The following TSPAN33 variants were observed in gnomAD, a reference collection of about 807,000 sequenced individuals.
The protein encoded by TSPAN33 is tetraspanin-33.
TSPAN33 carries 27 observed loss-of-function variants against 34.8 expected under a neutral mutation model. The observed-to-expected ratio is 0.78, with a 90% CI of 0.57 to 1.07. The LOEUF is 1.07. TSPAN33 is among the 50% of genes least tolerant of loss of function. The pLI is 0.00. For missense variants in TSPAN33, 272 were observed against 324.9 expected (o/e 0.84, Z 1.25); for synonymous variants, 119 against 124.2 (o/e 0.96, Z 0.28).
At position 129,162,428 on chromosome 7, in the gene TSPAN33, C is replaced by T. The variant is rs367644000; in HGVS notation, c.195C>T (p.Ala65=). 2.2e-5 allele frequency: 36 copies of T among 1,613,800 alleles called. No individual in the cohort carries two copies. Among genetic ancestry groups the T allele is most frequent in the Non-Finnish European group, 3.0e-5 (35 of 1,180,048 alleles). ...AALACLAVDP[A]ILLIVVGVLM... ...TAGCCTGCCTGGCAGTGGACCCTGC[C>T]ATCCTGCTGATCGTGGTGGGTGTCC... Residue 65 remains alanine (A), a synonymous_variant, in exon 3 of 8, where the codon GCC becomes GCT. Coordinates refer to ENST00000486685, the MANE Select transcript of TSPAN33 (RefSeq NM_178562.5).
chr7:129,153,307 C>T (rs1272985943), intron 1 of TSPAN33, among the ~76,000 whole-genome samples: 1 of 152,082 alleles, frequency 6.6e-6, no homozygotes, highest in Non-Finnish European at 1.5e-5. Context: ...TAAAGCACTG[C>T]ACCCTGATGG....
rs747285710 is a variant in TSPAN33 at position 129,161,692 on chromosome 7, T to C, written c.116T>C (p.Val39Ala). 1 of 1,614,130 alleles carries C rather than the reference T, an allele frequency of 6.2e-7. No homozygotes were observed. Among genetic ancestry groups the C allele is most frequent in the Admixed American group, 1.7e-5 (1 of 60,012 alleles). ...FNMLFWVISM[V>A]MVAVGVYARL... ...CTGTCTCCACAGGTGATTTCCATGG[T>C]GATGGTGGCTGTGGGTGTCTACGCT... Residue 39 changes from valine to alanine, a missense_variant, in exon 2 of 8, where the codon GTG (valine) becomes GCG (alanine). Physicochemically the swap from Val to Ala is moderately conservative, Grantham distance 64. Transcript: ENST00000486685.
intron 4 of TSPAN33, 92 bp from the exon 5 acceptor site, chr7:129,164,379 TAAG>T: frequency 1.8e-6 from 2 of 1,131,868 alleles, no homozygotes. Context: ...CAGACTCAGT[TAAG>T]AAGGATGATC....
intron 1 of TSPAN33, among the ~76,000 whole-genome samples, chr7:129,156,879 A>G (rs1442116911): frequency 6.6e-6 from 1 of 152,158 alleles, no homozygotes; most frequent in Non-Finnish European, 1.5e-5. Flanking sequence ...CATAGGGATA[A>G]TGGTACTGGT....
At position 129,148,883 on chromosome 7, in the gene TSPAN33, C is replaced by T. The variant is rs1483621791; in HGVS notation, c.102+3801C>T. Among the ~76,000 whole-genome samples the T allele has an allele frequency of 6.6e-6, 1 of 152,174 alleles. No individual in the cohort carries two copies. Among genetic ancestry groups the T allele is most frequent in the Non-Finnish European group, 1.5e-5 (1 of 68,038 alleles). ...CCTTGGGCACTCAGAATCACCCAGG[C>T]CACTCTCAGCACCATTTCTTTTCGT... On this transcript the variant is annotated intron_variant, in intron 1 of 7. Transcript: ENST00000486685. The surrounding 1 kb of genome is among the most constrained non-coding windows in gnomAD (Gnocchi z 4.2).
chr7:129,163,028 G>C, intron 4 of TSPAN33, 121 bp downstream of exon 4: 1 of 932,728 alleles, frequency 1.1e-6, no homozygotes, highest in Non-Finnish European at 1.6e-6. Flanking sequence ...ATCAGTCGTT[G>C]AAAAGTTCAT....
rs1810548228 is a variant in TSPAN33, at chr7:129,148,346, T to G, written c.102+3264T>G. Among the ~76,000 whole-genome samples, 1 of 152,186 alleles carries G rather than the reference T, an allele frequency of 6.6e-6. No homozygotes were observed. Among genetic ancestry groups the G allele is most frequent in the South Asian group, 2.1e-4 (1 of 4,830 alleles). ...CTTCTATTGTCACATCCCTTACCTG[T>G]GCTGCAATTGTGTTTACTTCTCCGT... On this transcript the variant is annotated intron_variant, in intron 1 of 7. Coordinates refer to ENST00000486685, the MANE Select transcript of TSPAN33 (RefSeq NM_178562.5). The surrounding 1 kb of genome is among the most constrained non-coding windows in gnomAD (Gnocchi z 4.2).
At chr7:129,166,967 G>A in intron 6 of TSPAN33, 61 bp downstream of exon 6, 3 of 1,573,078 alleles carry the variant, frequency 1.9e-6, no homozygotes, top group Non-Finnish European at 2.6e-6. Flanking sequence ...TTCTGATGGG[G>A]GCAGCTGCTA....
rs936753620 is a variant in TSPAN33 at position 129,144,971 on chromosome 7, C to T, written c.-10C>T. 18 of 613,246 alleles carry T rather than the reference C, an allele frequency of 2.9e-5. No individual in the cohort carries two copies. In the Admixed American group the frequency reaches 4.0e-4, roughly 14 times the overall value. The allele number at this position is 613,246 out of a possible 1,614,324, so 38.0% of individuals were successfully genotyped here. On this transcript the variant is annotated 5_prime_UTR_variant, in exon 1 of 8. Transcript: ENST00000486685. ...AATAGGCCCCCGGGGGCGGTGGCGG[C>T]GGCGGGGCCATGGCGCGGAGACCCC... is the stretch of plus-strand genomic sequence containing the variant.
rs1810543922 is a variant in TSPAN33 at position 129,148,040 on chromosome 7, G to A, written c.102+2958G>A. 6.6e-6 allele frequency among the ~76,000 whole-genome samples: 1 copy of A among 152,290 alleles called. No individual in the cohort carries two copies. The highest frequency in any genetic ancestry group is 2.1e-4 in the South Asian group (1 of 4,830). Reference sequence around the variant, plus strand: ...GATCCTAGATGTTGCATTTAAATCAGTTAGGGTGGCTACAGAGCAGCTGCC... The same window carrying A: ...GATCCTAGATGTTGCATTTAAATCAATTAGGGTGGCTACAGAGCAGCTGCC... On this transcript the variant is annotated intron_variant, in intron 1 of 7. Coordinates refer to ENST00000486685, the MANE Select transcript of TSPAN33 (RefSeq NM_178562.5). This position sits in a 1 kb window ranked among gnomAD's most constrained non-coding sequence, Gnocchi z 4.2.
intron 5 of TSPAN33, 99 bp downstream of exon 5, chr7:129,164,668 C>G: frequency 6.3e-6 from 7 of 1,110,294 alleles, no homozygotes; most frequent in South Asian, 2.5e-5. Flanking sequence ...TCATTACCTG[C>G]CAGGTAATGG....
Position 129,167,738 on chromosome 7 carries a change from C to A in TSPAN33, c.751-35C>A. ...CCAGGGAAAACAAGGCCATCACTCACTGCTGAGTGCCCAATTCCTTCTTGC... is the reference window on the plus strand; with the variant it reads ...CCAGGGAAAACAAGGCCATCACTCAATGCTGAGTGCCCAATTCCTTCTTGC... On this transcript the variant is annotated intron_variant, in intron 7 of 7. Transcript: ENST00000486685. The surrounding 1 kb of genome is among the most constrained non-coding windows in gnomAD (Gnocchi z 4.6). 6.2e-7 allele frequency: 1 copy of A among 1,604,778 alleles called. No individual in the cohort carries two copies.
chr7:129,146,094 C>G (rs902547347), intron 1 of TSPAN33, among the ~76,000 whole-genome samples: 1 of 152,084 alleles, frequency 6.6e-6, no homozygotes, highest in African/African-American at 2.4e-5. Flanking sequence ...CTGGAGCCCA[C>G]CATCCTTGCC....
chr7:129,163,333 C>CTTTTTTTTTTTTTTTTTTTTTTGTTTT (rs57365994), intron 4 of TSPAN33, among the ~76,000 whole-genome samples: 1 of 124,872 alleles, frequency 8.0e-6, no homozygotes, highest in Non-Finnish European at 1.6e-5. Flanking sequence ...TTCTTTCTTT[C>CTTTTTTTTTTTTTTTTTTTTTTGTTTT]TTTTTTTTTT....
intron 1 of TSPAN33, among the ~76,000 whole-genome samples, chr7:129,158,174 T>C (rs1437603832): frequency 6.6e-6 from 1 of 152,198 alleles, no homozygotes; most frequent in Non-Finnish European, 1.5e-5. Context: ...AGGTCTTTTA[T>C]GATTATACTG....
chr7:129,162,529 G>A lies in TSPAN33; in HGVS notation c.288+8G>A, dbSNP rs1793069361. ...ATCTGCCTCCTGCAGACGGTGAGTG[G>A]TCAAGGCCCCACTGGAAAGACCCTG... is the stretch of plus-strand genomic sequence containing the variant. On this transcript the variant is annotated splice_region_variant and intron_variant, in intron 3 of 7. Coordinates refer to ENST00000486685, the MANE Select transcript of TSPAN33 (RefSeq NM_178562.5). 1.2e-6 allele frequency: 2 copies of A among 1,611,510 alleles called. No individual in the cohort carries two copies. The highest frequency in any genetic ancestry group is 1.3e-5 in the African/African-American group (1 of 74,912).
intron 1 of TSPAN33, among the ~76,000 whole-genome samples, chr7:129,153,059 C>CAAAAAAAAAAAAAAAAAAAAAACAAAAA (rs1810618682): frequency 1.2e-5 from 1 of 82,490 alleles, no homozygotes; most frequent in Non-Finnish European, 2.3e-5. Flanking sequence ...AACTCCGTCT[C>CAAAAAAAAAAAAAAAAAAAAAACAAAAA]AAAAAAAAAA....
intron 4 of TSPAN33, 90 bp from the exon 5 acceptor site, chr7:129,164,384 A>T: frequency 8.7e-7 from 1 of 1,154,390 alleles, no homozygotes; most frequent in Non-Finnish European, 1.3e-6. Flanking sequence ...TCAGTTAAGA[A>T]GGATGATCCC....
intron 1 of TSPAN33, among the ~76,000 whole-genome samples, chr7:129,154,904 C>G (rs1047710109): frequency 3.3e-5 from 5 of 152,162 alleles, no homozygotes; most frequent in Admixed American, 3.3e-4. Context: ...AATCCCACTA[C>G]TGAGTGTTTA....
Sources: allele counts gnomAD v4.1 joint callset (sites outside exome capture counted in the v4.1 genomes callset), GRCh38; gene constraint gnomAD v4.1.1; non-coding constraint Gnocchi (gnomAD v3.1); transcripts MANE v1.5; gene names NCBI Gene and HGNC (gene_info 2026-07-23, HGNC 2026-07-21).